The following IGSF5 variants were observed in gnomAD, a reference collection of about 807,000 sequenced individuals.
IGSF5 encodes the protein immunoglobulin superfamily member 5.
Under a neutral mutation model 39.4 loss-of-function variants are expected in IGSF5, and 41 were observed. The ratio of observed to expected loss-of-function variants is 1.04; its 90% CI spans 0.81 to 1.35. The LOEUF is 1.35. Among genes scored for constraint, IGSF5 ranks in the 40% most tolerant of loss-of-function variants. The pLI, the probability that IGSF5 is intolerant of heterozygous loss-of-function variation, is 0.00. For synonymous variants in IGSF5, 183 were observed against 175.3 expected (o/e 1.04, Z -0.34); for missense variants, 487 against 494.6 (o/e 0.98, Z 0.15).
chr21:39,758,162 C>T (rs895924057), intron 2 of IGSF5, among the ~76,000 whole-genome samples: 11 of 152,166 alleles, frequency 7.2e-5, no homozygotes, highest in African/African-American at 1.9e-4. Flanking sequence ...TGTTCACCAA[C>T]GTCCACTTGG....
At chr21:39,778,504 G>C (rs1351229176) in intron 4 of IGSF5, among the ~76,000 whole-genome samples, 1 of 152,142 alleles carries the variant, frequency 6.6e-6, no homozygotes, top group Admixed American at 6.5e-5. Context: ...ACTAAGGAAG[G>C]TGTCTCCTGA....
intron 5 of IGSF5, among the ~76,000 whole-genome samples, chr21:39,781,602 A>G (rs952050198): frequency 6.6e-6 from 1 of 152,164 alleles, no homozygotes; most frequent in African/African-American, 2.4e-5. Context: ...GCAACACATG[A>G]GAGTTCCCGT....
At chr21:39,791,509 C>A in intron 6 of IGSF5, 1 of 152,288 alleles carries the variant, frequency 6.6e-6, no homozygotes, top group Non-Finnish European at 1.5e-5. Flanking sequence ...ACATTTTTTC[C>A]ATAAAAGGCC....
intron 8 of IGSF5, among the ~76,000 whole-genome samples, chr21:39,800,034 T>C (rs1265120117): frequency 6.6e-6 from 1 of 152,196 alleles, no homozygotes; most frequent in Admixed American, 6.5e-5. Flanking sequence ...TGAAACAGAA[T>C]GAATTTGGGT....
intron 2 of IGSF5, among the ~76,000 whole-genome samples, chr21:39,755,942 A>T (rs960445028): frequency 2.0e-5 from 1 of 49,756 alleles, no homozygotes; most frequent in African/African-American, 6.5e-5. Flanking sequence ...CATCTCTACT[A>T]AAAATACAAA....
At chr21:39,726,242 G>T in the IGSF5 span, among the ~76,000 whole-genome samples, 3 of 152,114 alleles carry the variant, frequency 2.0e-5, no homozygotes, top group African/African-American at 7.2e-5. Flanking sequence ...GACTTTGAAA[G>T]AGTTTTCTCC....
chr21:39,790,736 C>T (rs964911287), intron 6 of IGSF5, among the ~76,000 whole-genome samples: 4 of 152,206 alleles, frequency 2.6e-5, no homozygotes, highest in African/African-American at 9.7e-5. Context: ...CATAAGTACT[C>T]ATTTCTGTTT....
intron 4 of IGSF5, among the ~76,000 whole-genome samples, chr21:39,773,497 T>C (rs2080125084): frequency 6.6e-6 from 1 of 152,152 alleles, no homozygotes; most frequent in African/African-American, 2.4e-5. Flanking sequence ...TCCTCACAGT[T>C]TTAGTAGGGA....
chr21:39,763,527 C>T (rs969113378), intron 2 of IGSF5, among the ~76,000 whole-genome samples: 8 of 152,180 alleles, frequency 5.3e-5, no homozygotes, highest in African/African-American at 7.2e-5. Flanking sequence ...GTGTGGCCTC[C>T]GGGGTACATA....
chr21:39,767,704 G>A (rs2080093732), intron 3 of IGSF5, among the ~76,000 whole-genome samples: 2 of 152,234 alleles, frequency 1.3e-5, no homozygotes, highest in South Asian at 4.1e-4. Context: ...AACCTCACAA[G>A]AAGAGTGGAT....
chr21:39,744,100 C>T (rs1480505612), upstream of IGSF5, among the ~76,000 whole-genome samples: 1 of 152,168 alleles, frequency 6.6e-6, no homozygotes, highest in Non-Finnish European at 1.5e-5. Flanking sequence ...CCATGGACCT[C>T]TGCTTATCGG....
chr21:39,743,086 C>T (rs182096003), upstream of IGSF5, among the ~76,000 whole-genome samples: 257 of 152,288 alleles, frequency 1.7e-3, 2 homozygotes, highest in Non-Finnish European at 3.1e-3. Context: ...TAATTCACAG[C>T]CTTCTTCCTA....
chr21:39,750,476 C>A (rs577708223), intron 2 of IGSF5, among the ~76,000 whole-genome samples: 1 of 143,866 alleles, frequency 7.0e-6, no homozygotes, highest in East Asian at 2.0e-4. Flanking sequence ...CCACTGCACT[C>A]CAGCCTGGGT....
upstream of IGSF5, among the ~76,000 whole-genome samples, chr21:39,744,461 A>C (rs1164572132): frequency 1.3e-5 from 2 of 152,266 alleles, no homozygotes; most frequent in African/African-American, 4.8e-5. Flanking sequence ...ACCAATTATT[A>C]GGCAATTTTT....
intron 8 of IGSF5, among the ~76,000 whole-genome samples, chr21:39,800,635 T>C (rs1303836829): frequency 6.6e-6 from 1 of 152,238 alleles, no homozygotes; most frequent in African/African-American, 2.4e-5. Flanking sequence ...CCCAGTTACA[T>C]TATTTAAGAT....
chr21:39,731,031 C>T, the IGSF5 span, among the ~76,000 whole-genome samples: 5 of 152,220 alleles, frequency 3.3e-5, no homozygotes, highest in Non-Finnish European at 7.3e-5. Context: ...CTGACAAGGT[C>T]TCCTGTCCCC....
chr21:39,752,886 G>T (rs2080012472), intron 2 of IGSF5, among the ~76,000 whole-genome samples: 1 of 151,700 alleles, frequency 6.6e-6, no homozygotes. Context: ...GTTCCTTGTA[G>T]ATTCTGGATA....
intron 2 of IGSF5, among the ~76,000 whole-genome samples, chr21:39,760,639 C>T (rs562208697): frequency 9.2e-5 from 14 of 152,008 alleles, no homozygotes; most frequent in South Asian, 6.2e-4. Context: ...GACGTGATCT[C>T]GGCTCACTGC....
At chr21:39,752,016 CT>C (rs1371008863) in intron 2 of IGSF5, among the ~76,000 whole-genome samples, 1 of 151,960 alleles carries the variant, frequency 6.6e-6, no homozygotes, top group Non-Finnish European at 1.5e-5. Flanking sequence ...TTCTTTTTTT[CT>C]TTACTTTTAA....
Sources: gnomAD v4.1 joint callset for allele counts (sites outside exome capture counted in the v4.1 genomes callset) on GRCh38, gnomAD v4.1.1 for gene constraint, MANE v1.5 for transcripts, NCBI Gene and HGNC (gene_info 2026-07-23, HGNC 2026-07-21) for gene names.